HOPX: variants seen among roughly 807,000 people sequenced by gnomAD.
HOPX encodes the protein homeodomain-only protein.
In HOPX, 5 loss-of-function variants were observed where a neutral mutation model predicts 11.8. That is an observed-to-expected ratio of 0.43 (90% CI 0.22 to 0.89). HOPX has a LOEUF of 0.89. HOPX is among the 40% of genes least tolerant of loss of function. The pLI, the probability that HOPX is intolerant of heterozygous loss-of-function variation, is 0.28. For synonymous variants in HOPX, 49 were observed against 49.7 expected (o/e 0.99, Z 0.06); for missense variants, 119 against 120.0 (o/e 0.99, Z 0.04).
chr4:56,655,816 A>T, intron 3 of HOPX, 41 bp downstream of exon 3: 1 of 1,565,284 alleles, frequency 6.4e-7, no homozygotes. Flanking sequence ...GGCTCAGCCC[A>T]GGCAGGGGTC....
At chr4:56,660,190 A>G (rs1472500757) in intron 1 of HOPX, among the ~76,000 whole-genome samples, 3 of 152,208 alleles carry the variant, frequency 2.0e-5, no homozygotes, top group Non-Finnish European at 4.4e-5. Context: ...CTTAAGTATT[A>G]CTGTTCTCCT....
At position 56,671,301 on chromosome 4, in the gene HOPX, C is replaced by T. The variant is rs922774887; in HGVS notation, c.-84+9954G>A. ...GGTAGATTTTCAGGCTGCCCAATCA[C>T]ATGCCTTTCCTTAGGCCATTAGACT... On this transcript the variant is annotated intron_variant, in intron 1 of 3. Coordinates refer to ENST00000420433, the MANE Select transcript of HOPX (RefSeq NM_032495.6). Among the ~76,000 whole-genome samples, 13 of 152,050 alleles carry T rather than the reference C, an allele frequency of 8.5e-5. 1 individual carries two copies. The highest frequency in any genetic ancestry group is 2.7e-4 in the African/African-American group (11 of 41,332).
intron 1 of HOPX, among the ~76,000 whole-genome samples, chr4:56,661,790 G>C (rs910093244): frequency 6.6e-6 from 1 of 152,184 alleles, no homozygotes; most frequent in African/African-American, 2.4e-5. Context: ...CCCAAAAGGA[G>C]AGTTGAGTTA....
intron 1 of HOPX, chr4:56,680,582 T>C (rs1719271433): frequency 6.6e-6 from 1 of 152,086 alleles, no homozygotes; most frequent in African/African-American, 2.4e-5. Flanking sequence ...TACCTTTTTA[T>C]TCAATGATTC....
At chr4:56,659,484 GA>G (rs1196893018) in intron 1 of HOPX, 1 of 152,118 alleles carries the variant, frequency 6.6e-6, no homozygotes, top group African/African-American at 2.4e-5. Context: ...AGGCGCCCCA[GA>G]AATTGAAAAA....
intron 1 of HOPX, among the ~76,000 whole-genome samples, chr4:56,671,029 G>A (rs1463268203): frequency 6.6e-6 from 1 of 151,668 alleles, no homozygotes; most frequent in Non-Finnish European, 1.5e-5. Context: ...GGAGAATCAA[G>A]TAGATAAAAT....
At chr4:56,680,788 T>G (rs917098091) in intron 1 of HOPX, 2 of 153,430 alleles carry the variant, frequency 1.3e-5, no homozygotes, top group Admixed American at 1.3e-4. Flanking sequence ...ATCAAGCCAC[T>G]TCTCCATCCA....
At chr4:56,648,900 GA>G in intron 3 of HOPX, 103 bp from the exon 4 acceptor site, 1 of 828,362 alleles carries the variant, frequency 1.2e-6, no homozygotes, top group Non-Finnish European at 2.0e-6. Context: ...GGAAAGGAGA[GA>G]ATCAAGGAAT....
chr4:56,681,645 T>C, upstream of HOPX: 2 of 1,000,166 alleles, frequency 2.0e-6, no homozygotes, highest in African/African-American at 1.7e-5. Context: ...TCTCATCCAC[T>C]TCCTTACTTT....
intron 1 of HOPX, among the ~76,000 whole-genome samples, chr4:56,673,392 GACAA>G (rs1718840483): frequency 2.6e-5 from 4 of 151,878 alleles, no homozygotes; most frequent in South Asian, 2.1e-4. Context: ...TACGCCTAAA[GACAA>G]ACAAAAAAAA....
intron 3 of HOPX, among the ~76,000 whole-genome samples, chr4:56,651,497 C>A (rs1717166026): frequency 6.6e-6 from 1 of 152,136 alleles, no homozygotes; most frequent in Admixed American, 6.5e-5. Flanking sequence ...TTGTTTCAGT[C>A]ATCCACTGGG....
intron 3 of HOPX, chr4:56,651,026 T>C: frequency 2.3e-6 from 1 of 441,842 alleles, no homozygotes; most frequent in Non-Finnish European, 4.0e-6. Context: ...TTCCAGTTAC[T>C]ACAGCTGAAG....
chr4:56,665,060 ATCT>A (rs1186406713), intron 1 of HOPX: 1 of 152,178 alleles, frequency 6.6e-6, no homozygotes, highest in Non-Finnish European at 1.5e-5. Flanking sequence ...GGCTCAAGCG[ATCT>A]TCTCACCTCA....
chr4:56,673,208 A>G (rs2109544384), intron 1 of HOPX, among the ~76,000 whole-genome samples: 1 of 152,342 alleles, frequency 6.6e-6, no homozygotes, highest in African/African-American at 2.4e-5. Flanking sequence ...GACTATTGAT[A>G]ATAATGCATT....
Position 56,648,782 on chromosome 4 carries a change from G to A in HOPX, c.214C>T (p.Arg72Cys), listed in dbSNP as rs372035776. ...TCTGAGCGCCGCCACTTTGCCAGGCGCTGCTTAAACCATTTCTGGAAGAGA... is the reference window on the plus strand; with the variant it reads ...TCTGAGCGCCGCCACTTTGCCAGGCACTGCTTAAACCATTTCTGGAAGAGA... ...EEETQKWFKQ[R>C]LAKWRRSEGL... Residue 72 changes from arginine (R) to cysteine (C), a missense_variant, in exon 4 of 4, where the codon CGC becomes TGC. By Grantham distance (180) the Arg-to-Cys change is radical. Coordinates refer to ENST00000420433, the MANE Select transcript of HOPX (RefSeq NM_032495.6). 3.2e-5 allele frequency: 51 copies of A among 1,608,468 alleles called. No individual in the cohort carries two copies. Among genetic ancestry groups the A allele is most frequent in the South Asian group, 2.3e-4 (21 of 90,634 alleles).
intron 3 of HOPX, among the ~76,000 whole-genome samples, chr4:56,655,542 G>A (rs1393531689): frequency 1.3e-5 from 2 of 152,184 alleles, no homozygotes; most frequent in Non-Finnish European, 2.9e-5. Context: ...ACTCGCAGAG[G>A]GAGAAAGCGT....
At chr4:56,676,779 G>A (rs956153177) in intron 1 of HOPX, among the ~76,000 whole-genome samples, 1 of 151,536 alleles carries the variant, frequency 6.6e-6, no homozygotes, top group Non-Finnish European at 1.5e-5. Context: ...GCTGCTCTGG[G>A]CTCCGACTGC....
At chr4:56,672,030 G>T (rs1234197225) in intron 1 of HOPX, among the ~76,000 whole-genome samples, 6 of 152,026 alleles carry the variant, frequency 3.9e-5, no homozygotes, top group Non-Finnish European at 8.8e-5. Context: ...CCATTATTAA[G>T]GTTCTAATCT....
At chr4:56,668,951 G>A (rs1018922546) in intron 1 of HOPX, among the ~76,000 whole-genome samples, 8 of 152,202 alleles carry the variant, frequency 5.3e-5, no homozygotes, top group African/African-American at 1.4e-4. Context: ...GTCCTTCCTT[G>A]CCTCTTTACT....
Sources: gnomAD v4.1 joint callset for allele counts (sites outside exome capture counted in the v4.1 genomes callset) on GRCh38, gnomAD v4.1.1 for gene constraint, MANE v1.5 for transcripts, NCBI Gene and HGNC (gene_info 2026-07-23, HGNC 2026-07-21) for gene names.